The following CELF2 variants were observed in gnomAD, a reference collection of about 807,000 sequenced individuals.
CELF2 encodes the protein CUGBP Elav-like family member 2.
CELF2 carries 8 observed loss-of-function variants against 62.6 expected under a neutral mutation model. The observed-to-expected ratio is 0.13, with a 90% CI of 0.07 to 0.23. The LOEUF (loss-of-function observed/expected upper bound fraction) is 0.23. Among genes scored for constraint, CELF2 ranks in the 10% least tolerant of loss-of-function variants. The probability of loss-of-function intolerance (pLI) is 1.00; values close to 1 mark genes in which losing one functional copy is unlikely to be tolerated. For synonymous variants in CELF2, 258 were observed against 250.0 expected, an observed-to-expected ratio of 1.03 and a Z score of -0.30; for missense variants, 333 against 671.0, an observed-to-expected ratio of 0.50 and a Z score of 5.56.
At chr10:10,610,168 C>G in the CELF2 span, among the ~76,000 whole-genome samples, 1 of 152,118 alleles carries the variant, frequency 6.6e-6, no homozygotes, top group Non-Finnish European at 1.5e-5. Context: ...CACATTGAGC[C>G]TTGCTTTTCT....
chr10:10,964,619 C>T (rs1284839507), intron 2 of CELF2, among the ~76,000 whole-genome samples: 2 of 152,106 alleles, frequency 1.3e-5, no homozygotes, highest in Non-Finnish European at 2.9e-5. Flanking sequence ...AGAAGAAAGC[C>T]TGGGGCTTTT....
the CELF2 span, among the ~76,000 whole-genome samples, chr10:10,789,859 C>T: frequency 6.6e-6 from 1 of 151,962 alleles, no homozygotes; most frequent in Non-Finnish European, 1.5e-5. Context: ...ATTTGTCTTT[C>T]ATTTTTACTG....
At chr10:10,561,658 G>A in the CELF2 span, among the ~76,000 whole-genome samples, 1 of 152,122 alleles carries the variant, frequency 6.6e-6, no homozygotes, top group Non-Finnish European at 1.5e-5. Flanking sequence ...TGAGAAGGTG[G>A]CATTATGGCC....
At chr10:11,195,100 A>G (rs1375793371) in intron 2 of CELF2, among the ~76,000 whole-genome samples, 1 of 152,218 alleles carries the variant, frequency 6.6e-6, no homozygotes, top group Non-Finnish European at 1.5e-5. Flanking sequence ...GTAGAAATCT[A>G]TGATACTCAT....
chr10:11,005,247 AGAGAGAGG>A (rs2054984947), upstream of CELF2: 1 of 1,450,748 alleles, frequency 6.9e-7, no homozygotes, highest in African/African-American at 4.6e-5. This position sits in a 1 kb window ranked among gnomAD's most constrained non-coding sequence, Gnocchi z 4.3. Flanking sequence ...GGGAAGACAG[AGAGAGAGG>A]GAGAGAGAGA....
At chr10:10,592,364 T>A in the CELF2 span, among the ~76,000 whole-genome samples, 3 of 152,212 alleles carry the variant, frequency 2.0e-5, no homozygotes, top group African/African-American at 7.2e-5. Flanking sequence ...TCTATCCAGT[T>A]ACAGGAAACC....
At chr10:11,259,302 G>A (rs186775429) in intron 5 of CELF2, among the ~76,000 whole-genome samples, 4 of 152,180 alleles carry the variant, frequency 2.6e-5, no homozygotes, top group East Asian at 1.9e-4. Context: ...ATGGAAGGCC[G>A]AGAGAACAAA....
At chr10:11,097,431 G>A (rs2142270114) in intron 1 of CELF2, 1 of 152,312 alleles carries the variant, frequency 6.6e-6, no homozygotes, top group South Asian at 2.1e-4. Flanking sequence ...GGATTTAGGA[G>A]AAGAGATATG....
the CELF2 span, among the ~76,000 whole-genome samples, chr10:10,658,953 T>C: frequency 9.2e-5 from 14 of 152,210 alleles, no homozygotes; most frequent in Non-Finnish European, 1.6e-4. Flanking sequence ...AGGGCATTTG[T>C]AACCACTTAC....
chr10:10,976,258 A>G (rs574028017), intron 2 of CELF2, among the ~76,000 whole-genome samples: 5 of 152,302 alleles, frequency 3.3e-5, no homozygotes, highest in South Asian at 2.1e-4. Context: ...TATTACTCCA[A>G]TTCTGCAGAT....
At chr10:11,193,322 T>C (rs898570828) in intron 2 of CELF2, among the ~76,000 whole-genome samples, 3 of 152,194 alleles carry the variant, frequency 2.0e-5, no homozygotes, top group Non-Finnish European at 4.4e-5. Flanking sequence ...CACCCATCAA[T>C]AGCAGTCTCA....
the CELF2 span, among the ~76,000 whole-genome samples, chr10:10,467,752 G>A: frequency 0.24 from 36,265 of 151,766 alleles, 5,105 homozygotes; most frequent in African/African-American, 0.4. Flanking sequence ...ATTTCTTTAA[G>A]CAATGGATTG....
At chr10:11,048,939 G>GTCACC (rs1288579641) in intron 1 of CELF2, among the ~76,000 whole-genome samples, 1 of 152,142 alleles carries the variant, frequency 6.6e-6, no homozygotes, top group Admixed American at 6.5e-5. Context: ...CAGAAATTAG[G>GTCACC]TGTTTTACAG....
At chr10:10,951,432 T>C (rs1403761646) in intron 2 of CELF2, among the ~76,000 whole-genome samples, 2 of 152,210 alleles carry the variant, frequency 1.3e-5, no homozygotes, top group East Asian at 3.8e-4. Context: ...TTACTACACC[T>C]GGCCCTTCTC....
At chr10:11,284,070 G>A (rs866872106) in intron 8 of CELF2, among the ~76,000 whole-genome samples, 11 of 114,872 alleles carry the variant, frequency 9.6e-5, no homozygotes, top group Admixed American at 1.8e-4. Flanking sequence ...GTGTGTGGTG[G>A]GTGGATGATG....
chr10:10,857,667 A>ATATATAC (rs2059817088), intron 1 of CELF2, among the ~76,000 whole-genome samples: 1 of 140,904 alleles, frequency 7.1e-6, no homozygotes, highest in Non-Finnish European at 1.5e-5. Flanking sequence ...ATATATATAT[A>ATATATAC]TATATATATA....
At chr10:11,200,133 A>G (rs534366724) in intron 2 of CELF2, among the ~76,000 whole-genome samples, 61 of 152,330 alleles carry the variant, frequency 4.0e-4, no homozygotes, top group African/African-American at 1.4e-3. Context: ...GAAGAGGTTT[A>G]GGGGAGTGTA....
the CELF2 span, among the ~76,000 whole-genome samples, chr10:10,568,097 A>T: frequency 4.6e-5 from 7 of 152,176 alleles, no homozygotes; most frequent in African/African-American, 1.7e-4. Context: ...TAAGATAGGA[A>T]GTAAAAGGAG....
chr10:11,039,142 C>G lies in CELF2; in HGVS notation c.74+20979C>G, dbSNP rs537369775. 2.0e-5 allele frequency among the ~76,000 whole-genome samples: 3 copies of G among 152,308 alleles called. No individual in the cohort carries two copies. In the East Asian group the frequency reaches 5.8e-4, roughly 29 times the overall value. ...AACAGCCGAGTCCTGTGTCAGCTCT[C>G]CTATTAGCGTGGAGGACACTGAGAG... is the stretch of plus-strand genomic sequence containing the variant. On this transcript the variant is annotated intron_variant, in intron 1 of 12. Transcript: ENST00000633077. The surrounding 1 kb of genome is among the most constrained non-coding windows in gnomAD (Gnocchi z 4.1).
Sources: allele counts gnomAD v4.1 joint callset (sites outside exome capture counted in the v4.1 genomes callset), GRCh38; gene constraint gnomAD v4.1.1; non-coding constraint Gnocchi (gnomAD v3.1); transcripts MANE v1.5; gene names NCBI Gene and HGNC (gene_info 2026-07-23, HGNC 2026-07-21).